The following F2R variants were observed in gnomAD, a reference collection of about 807,000 sequenced individuals.
F2R encodes the protein proteinase-activated receptor 1.
A neutral mutation model predicts 18.3 loss-of-function variants in F2R; 12 were observed. That is an observed-to-expected ratio of 0.66 (90% CI 0.42 to 1.06). F2R has a LOEUF of 1.06. Ranked by LOEUF, F2R falls within the 50% of genes least tolerant of loss-of-function variation. The probability of loss-of-function intolerance (pLI) is 0.00; values close to 1 mark genes in which losing one functional copy is unlikely to be tolerated. For missense variants in F2R, 438 were observed against 530.8 expected, an observed-to-expected ratio of 0.83 and a Z score of 1.72; for synonymous variants, 210 against 219.9, an observed-to-expected ratio of 0.95 and a Z score of 0.40.
intron 1 of F2R, among the ~76,000 whole-genome samples, chr5:76,717,350 A>G (rs1748365249): frequency 6.6e-6 from 1 of 152,274 alleles, no homozygotes. Context: ...TGAATTTCCT[A>G]ATAACAATAG....
At chr5:76,720,752 A>C (rs971445810) in intron 1 of F2R, among the ~76,000 whole-genome samples, 7 of 152,154 alleles carry the variant, frequency 4.6e-5, no homozygotes, top group African/African-American at 1.7e-4. Context: ...TATCAATAGA[A>C]TCATATAATA....
chr5:76,732,417 T>G lies in F2R; in HGVS notation c.192T>G (p.Ser64Arg). 1 of 1,614,062 alleles carries G rather than the reference T, an allele frequency of 6.2e-7. No individual in the cohort carries two copies. Among genetic ancestry groups the G allele is most frequent in the Non-Finnish European group, 8.5e-7 (1 of 1,180,016 alleles). ...PFWEDEEKNESGLTEYRLVSI... is the reference protein window; with the variant it reads ...PFWEDEEKNERGLTEYRLVSI... ...GGGAGGATGAGGAGAAAAATGAAAG[T>G]GGGTTAACTGAATACAGATTAGTCT... The change falls in exon 2 of 2, where the codon AGT (serine) becomes AGG (arginine). Residue 64 changes from serine to arginine, a missense_variant. Transcript: ENST00000319211.
rs1561631420 is a variant in F2R, at chr5:76,732,450, TA to T, written c.229del (p.Ser77AlafsTer20). 4.6e-5 allele frequency: 75 copies of T among 1,614,144 alleles called. No individual in the cohort carries two copies. Among genetic ancestry groups the T allele is most frequent in the Non-Finnish European group, 6.3e-5 (74 of 1,180,024 alleles). On this transcript the variant is annotated frameshift_variant, in exon 2 of 2. Coordinates refer to ENST00000319211, the MANE Select transcript of F2R (RefSeq NM_001992.5). LOFTEE classifies it high-confidence loss of function. ...CTGAATACAGATTAGTCTCCATCAA[TA>T]AAAGCAGTCCTCTTCAAAAACAACT... ...LTEYRLVSINKSSPLQKQLPA... is the reference protein window; with the variant it reads ...LTEYRLVSINXSSPLQKQLPA...
intron 1 of F2R, among the ~76,000 whole-genome samples, chr5:76,724,427 C>G (rs1164071928): frequency 6.6e-6 from 1 of 152,138 alleles, no homozygotes; most frequent in East Asian, 1.9e-4. Context: ...ACCTTATTGT[C>G]TCATAAATAC....
At chr5:76,716,594 C>A in intron 1 of F2R, 199 bp downstream of exon 1, 1 of 708,642 alleles carries the variant, frequency 1.4e-6, no homozygotes, top group East Asian at 2.7e-5. Flanking sequence ...GCCGATGCCC[C>A]TTTGGACTCG....
rs982305045 is a variant in F2R at position 76,734,395 on chromosome 5, A to G, written c.*892A>G. The G allele has an allele frequency of 1.3e-5, 2 of 152,354 alleles. No homozygotes were observed. Among genetic ancestry groups the G allele is most frequent in the Non-Finnish European group, 2.9e-5 (2 of 68,058 alleles). 9.4% of individuals were successfully genotyped at this position (152,354 alleles called of 1,614,324 possible). ...TCACAGCAGTGAGACTGGGGCCACT[A>G]CATTTGCTCCATCCTCCTGGGATTG... is the stretch of plus-strand genomic sequence containing the variant. On this transcript the variant is annotated 3_prime_UTR_variant, in exon 2 of 2. Coordinates refer to ENST00000319211, the MANE Select transcript of F2R (RefSeq NM_001992.5).
chr5:76,729,584 A>G (rs1440123524), intron 1 of F2R, among the ~76,000 whole-genome samples: 3 of 152,202 alleles, frequency 2.0e-5, no homozygotes, highest in Non-Finnish European at 4.4e-5. Context: ...TGCCCAGACA[A>G]TGTCATGAAG....
rs1748745791 is a variant in F2R, at chr5:76,734,525, G to A, written c.*1022G>A. On this transcript the variant is annotated 3_prime_UTR_variant, in exon 2 of 2. Transcript: ENST00000319211. ...TCTACCCATCTTAAAAACAACGAAA[G>A]AAGGCATGGACTTCTGGATGCCCAT... The A allele has an allele frequency of 6.6e-6, 1 of 152,352 alleles. No individual in the cohort carries two copies. The highest frequency in any genetic ancestry group is 2.4e-5 in the African/African-American group (1 of 41,438). 9.4% of individuals were successfully genotyped at this position (152,352 alleles called of 1,614,324 possible). A position where few individuals can be genotyped will look rare whatever the true frequency, so the allele number is the denominator to read the frequency against.
At chr5:76,717,834 C>G (rs953781213) in intron 1 of F2R, among the ~76,000 whole-genome samples, 1 of 152,162 alleles carries the variant, frequency 6.6e-6, no homozygotes, top group Admixed American at 6.5e-5. Flanking sequence ...CAGTGGCCTC[C>G]CAGCAAGGTG....
chr5:76,721,576 CTATT>C (rs1748456823), intron 1 of F2R, among the ~76,000 whole-genome samples: 1 of 152,194 alleles, frequency 6.6e-6, no homozygotes, highest in East Asian at 1.9e-4. Flanking sequence ...ATTATGTAAT[CTATT>C]TATATTTCAA....
chr5:76,722,607 G>A (rs1173786804), intron 1 of F2R, among the ~76,000 whole-genome samples: 1 of 152,198 alleles, frequency 6.6e-6, no homozygotes. Context: ...GGAATGGGAG[G>A]AGAGGAGGCC....
In F2R at chr5:76,733,498, A is replaced by C; in HGVS notation, c.1273A>C (p.Thr425Pro). ...LNNSIYKKLLT is the reference protein window; with the variant it reads ...LNNSIYKKLLP ...TAACAGCATATACAAAAAGCTGTTA[A>C]CTTAGGAAAAGGGACTGCTGGGAGG... The change falls in exon 2 of 2, where the codon ACT becomes CCT. Residue 425 changes from threonine (T) to proline (P), a missense_variant. Transcript: ENST00000319211. The C allele has an allele frequency of 6.2e-7, 1 of 1,605,030 alleles. No individual in the cohort carries two copies. Among genetic ancestry groups the C allele is most frequent in the Non-Finnish European group, 8.5e-7 (1 of 1,176,146 alleles).
chr5:76,720,834 G>T (rs1748436322), intron 1 of F2R, among the ~76,000 whole-genome samples: 1 of 152,060 alleles, frequency 6.6e-6, no homozygotes, highest in Non-Finnish European at 1.5e-5. Flanking sequence ...TTGAGACAGG[G>T]TCTAGGTGTC....
chr5:76,731,613 T>C (rs1748670624), intron 1 of F2R, among the ~76,000 whole-genome samples: 1 of 151,830 alleles, frequency 6.6e-6, no homozygotes, highest in Admixed American at 6.6e-5. Flanking sequence ...CACTGCAACC[T>C]CTGCTGCCCA....
chr5:76,719,588 C>CA (rs11435777), intron 1 of F2R, among the ~76,000 whole-genome samples: 43,565 of 145,876 alleles, frequency 0.3, 7,164 homozygotes, highest in African/African-American at 0.45. Flanking sequence ...GACTCTCTCT[C>CA]AAAAAAAAAA....
chr5:76,716,749 G>T (rs764675511), intron 1 of F2R: 2 of 635,684 alleles, frequency 3.1e-6, no homozygotes, highest in East Asian at 5.7e-5. Flanking sequence ...AAGCTCTCAC[G>T]TTGCTCCACC....
intron 1 of F2R, among the ~76,000 whole-genome samples, chr5:76,720,995 C>A (rs773756891): frequency 1.3e-5 from 2 of 152,074 alleles, no homozygotes; most frequent in Non-Finnish European, 2.9e-5. Context: ...TTAGTAGAGA[C>A]GAGATTTTAT....
At chr5:76,723,889 A>G (rs1209058106) in intron 1 of F2R, among the ~76,000 whole-genome samples, 1 of 152,172 alleles carries the variant, frequency 6.6e-6, no homozygotes, top group Admixed American at 6.5e-5. Context: ...ATCTTGTTTT[A>G]TCTAAACCCT....
In F2R at chr5:76,732,968, G is replaced by A. The variant is rs939416472; in HGVS notation, c.743G>A (p.Gly248Glu). The A allele has an allele frequency of 1.9e-6, 3 of 1,613,966 alleles. No individual in the cohort carries two copies. The highest frequency in any genetic ancestry group is 1.3e-5 in the African/African-American group (1 of 74,882). ...LLKEQTIQVPGLNITTCHDVL... is the reference protein window; with the variant it reads ...LLKEQTIQVPELNITTCHDVL... ...AAGGAGCAAACCATCCAGGTGCCCG[G>A]GCTCAACATCACTACCTGTCATGAT... The change falls in exon 2 of 2, where the codon GGG (glycine) becomes GAG (glutamate). Residue 248 changes from glycine to glutamate, a missense_variant. Gly to Glu is a moderately conservative substitution (Grantham distance 98). Transcript: ENST00000319211.
Sources: gnomAD v4.1 joint callset for allele counts (sites outside exome capture counted in the v4.1 genomes callset) on GRCh38, gnomAD v4.1.1 for gene constraint, MANE v1.5 for transcripts, NCBI Gene and HGNC (gene_info 2026-07-23, HGNC 2026-07-21) for gene names.